The following VAC14 variants were observed in gnomAD, a reference collection of about 807,000 sequenced individuals.
VAC14 encodes protein VAC14 homolog.
VAC14 carries 47 observed loss-of-function variants against 85.3 expected under a neutral mutation model. The observed-to-expected ratio is 0.55, with a 90% CI of 0.44 to 0.70. VAC14 has a LOEUF of 0.70. Ranked by LOEUF, VAC14 falls within the 30% of genes least tolerant of loss-of-function variation. The pLI is 0.00. For synonymous variants in VAC14, 447 were observed against 430.5 expected (o/e 1.04, Z -0.47); for missense variants, 861 against 1,004.3 (o/e 0.86, Z 1.93).
intron 14 of VAC14, among the ~76,000 whole-genome samples, chr16:70,707,807 T>C (rs1029787960): frequency 6.6e-6 from 1 of 151,902 alleles, no homozygotes; most frequent in East Asian, 1.9e-4. Context: ...TTTTCTTTTT[T>C]TTTTTTTCAA....
Position 70,725,866 on chromosome 16 carries a change from C to T in VAC14, c.1661+5629G>A, listed in dbSNP as rs988897056. 3.9e-5 allele frequency among the ~76,000 whole-genome samples: 6 copies of T among 152,336 alleles called. No individual in the cohort carries two copies. In the East Asian group the frequency reaches 5.8e-4, roughly 15 times the overall value. On this transcript the variant is annotated intron_variant, in intron 14 of 18. Transcript: ENST00000261776. ...TCATCTACCATTAACTGGGCCGGTTCGGATCAGGCCCTGGCATTCACCGCA... is the reference window on the plus strand; with the variant it reads ...TCATCTACCATTAACTGGGCCGGTTTGGATCAGGCCCTGGCATTCACCGCA...
rs1188433561 is a variant in VAC14 at position 70,801,090 on chromosome 16, C to T, written c.-190G>A. Reference sequence around the variant, plus strand: ...CGGACCCCGCTCCAGCACACCTGACCCTGGCCGCTTAACAACTCCCGCCCG... The same window carrying T: ...CGGACCCCGCTCCAGCACACCTGACTCTGGCCGCTTAACAACTCCCGCCCG... On this transcript the variant is annotated 5_prime_UTR_variant, in exon 1 of 19. Coordinates refer to ENST00000261776, the MANE Select transcript of VAC14 (RefSeq NM_018052.5). The T allele has an allele frequency of 8.8e-6, 4 of 454,590 alleles. No homozygotes were observed. The highest frequency in any genetic ancestry group is 2.1e-5 in the African/African-American group (1 of 48,374). 28.2% of individuals were successfully genotyped at this position (454,590 alleles called of 1,614,324 possible). A position where few individuals can be genotyped will look rare whatever the true frequency, so the allele number is the denominator to read the frequency against.
intron 14 of VAC14, among the ~76,000 whole-genome samples, chr16:70,703,569 C>T (rs2053869030): frequency 6.6e-6 from 1 of 152,352 alleles, no homozygotes; most frequent in Non-Finnish European, 1.5e-5. Context: ...TTTGGCCCAG[C>T]AGGGGCTGTG....
chr16:70,792,816 G>C (rs963705568), intron 1 of VAC14, among the ~76,000 whole-genome samples: 1 of 152,180 alleles, frequency 6.6e-6, no homozygotes, highest in African/African-American at 2.4e-5. Flanking sequence ...CAGGTCACAT[G>C]AGGACTATTG....
chr16:70,798,569 T>A (rs1013612475), intron 1 of VAC14, among the ~76,000 whole-genome samples: 2 of 152,200 alleles, frequency 1.3e-5, no homozygotes, highest in South Asian at 2.1e-4. Flanking sequence ...GAGGAAGGCA[T>A]TGAACTAACC....
intron 17 of VAC14, among the ~76,000 whole-genome samples, chr16:70,694,332 G>A (rs571597683): frequency 1.8e-4 from 28 of 152,326 alleles, no homozygotes; most frequent in Admixed American, 1.4e-3. Flanking sequence ...TCAGGCGGCC[G>A]TGTGGGTGCC....
intron 7 of VAC14, among the ~76,000 whole-genome samples, chr16:70,782,255 C>T (rs923596483): frequency 1.1e-4 from 17 of 152,244 alleles, no homozygotes; most frequent in African/African-American, 3.6e-4. Flanking sequence ...TGGGACTCTG[C>T]TCCTCCTCTC....
chr16:70,768,489 C>T (rs1287937782), intron 10 of VAC14: 3 of 234,568 alleles, frequency 1.3e-5, no homozygotes, highest in African/African-American at 4.7e-5. Flanking sequence ...TCCAATTTTC[C>T]ACCTCCCATG....
In VAC14 at chr16:70,783,560, C is replaced by G; in HGVS notation, c.595-6G>C. 1 of 1,613,188 alleles carries G rather than the reference C, an allele frequency of 6.2e-7. No homozygotes were observed. Among genetic ancestry groups the G allele is most frequent in the African/African-American group, 1.3e-5 (1 of 75,044 alleles). ...ACCGACTCCAGAACCAGGATCTGAC[C>G]AGGGGAAGGGAACAGGAGGGGAAGT... On this transcript the variant is annotated splice_region_variant and splice_polypyrimidine_tract_variant and intron_variant, in intron 5 of 18. Transcript: ENST00000261776.
intron 9 of VAC14, among the ~76,000 whole-genome samples, chr16:70,780,189 A>G (rs1468600128): frequency 1.3e-5 from 2 of 152,102 alleles, no homozygotes; most frequent in African/African-American, 4.8e-5. Context: ...TTACAGCTAA[A>G]CAAGAAAATT....
rs370484508 is a variant in VAC14 at position 70,702,011 on chromosome 16, C to T, written c.1662-3200G>A. Among the ~76,000 whole-genome samples, 5 of 152,328 alleles carry T rather than the reference C, an allele frequency of 3.3e-5. No homozygotes were observed. In the East Asian group the frequency reaches 7.7e-4, roughly 24 times the overall value. On this transcript the variant is annotated intron_variant, in intron 14 of 18. Transcript: ENST00000261776. The stretch of plus-strand genomic sequence containing the variant: ...CCTCAGTCTGAAATGCAGGCCCCTC[C>T]TACCAGCCCCTTCTAAGAGAAAGTT...
At chr16:70,777,188 G>T (rs564457885) in intron 9 of VAC14, among the ~76,000 whole-genome samples, 3 of 152,016 alleles carry the variant, frequency 2.0e-5, no homozygotes, top group Non-Finnish European at 4.4e-5. Context: ...CAAATGATCC[G>T]CCTGCCTTAG....
chr16:70,772,298 G>T, intron 9 of VAC14, 126 bp from the exon 10 acceptor site: 1 of 785,522 alleles, frequency 1.3e-6, no homozygotes, highest in Non-Finnish European at 2.1e-6. Context: ...TCTTCAAAAG[G>T]ACCATGGCTC....
chr16:70,705,379 C>T (rs1202331205), intron 14 of VAC14, among the ~76,000 whole-genome samples: 1 of 152,236 alleles, frequency 6.6e-6, no homozygotes, highest in East Asian at 1.9e-4. Flanking sequence ...GCCTGCAGGG[C>T]CCTTGGTGGA....
chr16:70,792,911 A>C lies in VAC14; in HGVS notation c.105-6546T>G, dbSNP rs115507115. Among the ~76,000 whole-genome samples, 407 of 152,270 alleles carry C rather than the reference A, an allele frequency of 2.7e-3. 5 individuals carry two copies. The highest frequency in any genetic ancestry group is 9.2e-3 in the African/African-American group (382 of 41,548). ...GACGATACCTCCTGCTGTAGCTATT[A>C]TTATTTCACTCCCATCTTCCAGATC... is the stretch of plus-strand genomic sequence containing the variant. On this transcript the variant is annotated intron_variant, in intron 1 of 18. Coordinates refer to ENST00000261776, the MANE Select transcript of VAC14 (RefSeq NM_018052.5).
chr16:70,777,588 T>C (rs764805787), intron 9 of VAC14, among the ~76,000 whole-genome samples: 11 of 152,076 alleles, frequency 7.2e-5, no homozygotes, highest in Admixed American at 1.3e-4. Flanking sequence ...CACTGTGCTG[T>C]GGATGGCCCC....
In VAC14 at chr16:70,691,947, C is replaced by T. The variant is rs554358366; in HGVS notation, c.2186+874G>A. ...CGCCAGGCCTGCTGAGTGGCTCTAA[C>T]AGCCTGGGAGGGAATTCTAGACACA... On this transcript the variant is annotated intron_variant, in intron 18 of 18. Transcript: ENST00000261776. 1.2e-5 allele frequency: 12 copies of T among 985,348 alleles called. No homozygotes were observed. In the Admixed American group the frequency reaches 1.8e-4, roughly 15 times the overall value. The allele number at this position is 985,348 out of a possible 1,614,324, so 61.0% of individuals were successfully genotyped here. A position where few individuals can be genotyped will look rare whatever the true frequency, so the allele number is the denominator to read the frequency against.
chr16:70,740,781 A>G (rs1235946896), intron 13 of VAC14, among the ~76,000 whole-genome samples: 1 of 152,204 alleles, frequency 6.6e-6, no homozygotes, highest in Non-Finnish European at 1.5e-5. Flanking sequence ...GGCTCTGCAC[A>G]GGTGAGGAAT....
intron 14 of VAC14, among the ~76,000 whole-genome samples, chr16:70,728,772 C>T (rs2054504320): frequency 6.6e-6 from 1 of 152,256 alleles, no homozygotes; most frequent in South Asian, 2.1e-4. Flanking sequence ...CTATAGATTC[C>T]TCCTCCAAAG....
Sources: allele counts gnomAD v4.1 joint callset (sites outside exome capture counted in the v4.1 genomes callset), GRCh38; gene constraint gnomAD v4.1.1; transcripts MANE v1.5; gene names NCBI Gene and HGNC (gene_info 2026-07-23, HGNC 2026-07-21).